Variants in PINX1 observed in about 807,000 individuals in gnomAD.
The protein encoded by PINX1 is PIN2/TERF1-interacting telomerase inhibitor 1.
In PINX1, 34 loss-of-function variants were observed where a neutral mutation model predicts 25.4. The observed-to-expected ratio is 1.34, with a 90% CI of 1.02 to 1.78. The LOEUF (loss-of-function observed/expected upper bound fraction) is 1.78, where lower values mean the gene tolerates loss of function less well. Among genes scored for constraint, PINX1 ranks in the 40% most tolerant of loss-of-function variants. The pLI is 0.00. For synonymous variants in PINX1, 197 were observed against 147.7 expected, an observed-to-expected ratio of 1.33 and a Z score of -2.42; for missense variants, 592 against 404.9, an observed-to-expected ratio of 1.46 and a Z score of -3.97.
intron 6 of PINX1, among the ~76,000 whole-genome samples, chr8:10,813,343 A>G (rs1017507352): frequency 6.6e-6 from 1 of 152,154 alleles, no homozygotes; most frequent in African/African-American, 2.4e-5. Flanking sequence ...AAAAGGAGAA[A>G]CACCCTTGAA....
Position 10,813,212 on chromosome 8 carries a change from T to C in PINX1, c.471+6981A>G, listed in dbSNP as rs1373486662. Reference sequence around the variant, plus strand: ...GTTCTTAATTAGAAGATTACTTTGGTGTCCAGATGTGGAGTGGGGGGAGGG... The same window carrying C: ...GTTCTTAATTAGAAGATTACTTTGGCGTCCAGATGTGGAGTGGGGGGAGGG... On this transcript the variant is annotated intron_variant, in intron 6 of 6. Transcript: ENST00000314787. 1.3e-5 allele frequency among the ~76,000 whole-genome samples: 2 copies of C among 152,172 alleles called. 1 individual carries two copies. Among genetic ancestry groups the C allele is most frequent in the Non-Finnish European group, 2.9e-5 (2 of 68,028 alleles).
rs779941568 is a variant in PINX1 at position 10,765,438 on chromosome 8, G to A, written c.950C>T (p.Thr317Met). The change falls in exon 7 of 7, where the codon ACG becomes ATG. Residue 317 changes from threonine to methionine, a missense_variant. Transcript: ENST00000314787. ...EIAEDATLEE[T>M]LVKKKKKKDS... ...TTTCTTCTTCTTCTTTTTCACTAGC[G>A]TTTCTTCTAGTGTAGCGTCCTCTGC... 11 of 1,606,868 alleles carry A rather than the reference G, an allele frequency of 6.8e-6. No individual in the cohort carries two copies. Among genetic ancestry groups the A allele is most frequent in the Non-Finnish European group, 9.3e-6 (11 of 1,178,044 alleles).
rs535104197 is a variant in PINX1 at position 10,774,591 on chromosome 8, T to G, written c.472-8675A>C. Among the ~76,000 whole-genome samples the G allele has an allele frequency of 6.6e-5, 10 of 152,368 alleles. No homozygotes were observed. The South Asian group carries it at 1.9e-3, about 28-fold the overall frequency. On this transcript the variant is annotated intron_variant, in intron 6 of 6. Coordinates refer to ENST00000314787, the MANE Select transcript of PINX1 (RefSeq NM_017884.6). ...CCACCGTGCCCAGCCGAATAAGGTC[T>G]TTTTAGAGAATAAAATATTCATTTT...
intron 6 of PINX1, among the ~76,000 whole-genome samples, chr8:10,792,394 C>T (rs777932406): frequency 6.6e-6 from 1 of 152,042 alleles, no homozygotes; most frequent in Non-Finnish European, 1.5e-5. Flanking sequence ...CCGGGGGCCA[C>T]GTGCACACCT....
At chr8:10,839,472 C>A (rs1162328723) in intron 1 of PINX1, among the ~76,000 whole-genome samples, 3 of 152,186 alleles carry the variant, frequency 2.0e-5, no homozygotes, top group African/African-American at 7.2e-5. Flanking sequence ...GGTGTTCTGA[C>A]CCACTTCGCA....
chr8:10,805,198 G>A (rs1371755780), intron 6 of PINX1, among the ~76,000 whole-genome samples: 4 of 152,164 alleles, frequency 2.6e-5, no homozygotes, highest in African/African-American at 7.2e-5. Context: ...GACCTGCTGC[G>A]ACCTCCTGCA....
chr8:10,829,953 G>A (rs1309809983), intron 4 of PINX1, among the ~76,000 whole-genome samples: 3 of 152,172 alleles, frequency 2.0e-5, no homozygotes, highest in Admixed American at 1.3e-4. Flanking sequence ...CAAAGTGCTG[G>A]TATTACACCG....
intron 6 of PINX1, among the ~76,000 whole-genome samples, chr8:10,815,292 G>T (rs560791095): frequency 1.3e-5 from 2 of 152,310 alleles, no homozygotes; most frequent in South Asian, 4.1e-4. Context: ...CAGAAAGCAT[G>T]ATTTAAGTTT....
At position 10,765,529 on chromosome 8, in the gene PINX1, G is replaced by A. The variant is rs775847952; in HGVS notation, c.859C>T (p.Arg287Trp). The change falls in exon 7 of 7, where the codon CGG (arginine) becomes TGG (tryptophan). Residue 287 changes from arginine to tryptophan, a missense_variant. Arg to Trp is a moderately radical substitution (Grantham distance 101). Coordinates refer to ENST00000314787, the MANE Select transcript of PINX1 (RefSeq NM_017884.6). ...TTTTTGGGCTTCAGGGTGAAGTCCC[G>A]GCCCTCAGGCGGCTGCACATGGTCC... ...AGDHVQPPEGRDFTLKPKKRR... is the reference protein window; with the variant it reads ...AGDHVQPPEGWDFTLKPKKRR... The A allele has an allele frequency of 8.1e-6, 13 of 1,613,336 alleles. No individual in the cohort carries two copies. Among genetic ancestry groups the A allele is most frequent in the Admixed American group, 5.0e-5 (3 of 60,002 alleles).
rs571888010 is a variant in PINX1, at chr8:10,831,980, G to A, written c.223-237C>T. On this transcript the variant is annotated intron_variant, in intron 3 of 6. Coordinates refer to ENST00000314787, the MANE Select transcript of PINX1 (RefSeq NM_017884.6). Reference sequence around the variant, plus strand: ...GGAAGCTTAAGGCCTGATTTCAAATGTGAATGACTTATCGATCAAGTCAAT... The same window carrying A: ...GGAAGCTTAAGGCCTGATTTCAAATATGAATGACTTATCGATCAAGTCAAT... Among the ~76,000 whole-genome samples, 62 of 152,306 alleles carry A rather than the reference G, an allele frequency of 4.1e-4. 3 individuals are homozygous for A. The South Asian group carries it at 0.013, about 31-fold the overall frequency.
chr8:10,805,833 G>A lies in PINX1; in HGVS notation c.471+14360C>T, dbSNP rs1322381536. On this transcript the variant is annotated intron_variant, in intron 6 of 6. Coordinates refer to ENST00000314787, the MANE Select transcript of PINX1 (RefSeq NM_017884.6). ...AGTGCTGAGGGGGTGACAGAGCACA[G>A]GAAGGGGCCACACTAGCGCTGAGTG... Among the ~76,000 whole-genome samples, 34 of 121,282 alleles carry A rather than the reference G, an allele frequency of 2.8e-4. 1 individual carries two copies. The highest frequency in any genetic ancestry group is 1.0e-3 in the Admixed American group (12 of 11,818). 79.6% of individuals were successfully genotyped at this position (121,282 alleles called of 152,430 possible). A position where few individuals can be genotyped will look rare whatever the true frequency, so the allele number is the denominator to read the frequency against.
intron 6 of PINX1, among the ~76,000 whole-genome samples, chr8:10,786,607 C>T (rs576852369): frequency 6.6e-6 from 1 of 152,328 alleles, no homozygotes; most frequent in Non-Finnish European, 1.5e-5. Context: ...GACCCTGTGA[C>T]TGGTCAATGC....
chr8:10,767,364 C>G (rs906819996), intron 6 of PINX1, among the ~76,000 whole-genome samples: 3 of 152,112 alleles, frequency 2.0e-5, no homozygotes, highest in South Asian at 2.1e-4. Context: ...ACAATTGGGC[C>G]TTCAGTGGCA....
At chr8:10,837,072 A>C (rs1365565471) in intron 1 of PINX1, among the ~76,000 whole-genome samples, 1 of 152,236 alleles carries the variant, frequency 6.6e-6, no homozygotes, top group Non-Finnish European at 1.5e-5. Flanking sequence ...TGTTCATAAC[A>C]GGGAACTCAA....
At chr8:10,834,341 A>G (rs1213694075) in intron 2 of PINX1, 2 of 237,246 alleles carry the variant, frequency 8.4e-6, no homozygotes, top group African/African-American at 4.6e-5. Context: ...AGAGATCGCT[A>G]AAGACCTCAA....
At chr8:10,794,174 T>C (rs763889375) in intron 6 of PINX1, among the ~76,000 whole-genome samples, 2 of 152,230 alleles carry the variant, frequency 1.3e-5, no homozygotes, top group Non-Finnish European at 2.9e-5. Flanking sequence ...GGGGTATTTT[T>C]AGAAATGGGC....
At chr8:10,804,352 C>T (rs1802368080) in intron 6 of PINX1, among the ~76,000 whole-genome samples, 2 of 152,136 alleles carry the variant, frequency 1.3e-5, no homozygotes, top group South Asian at 2.1e-4. Flanking sequence ...TGCTCAGGGG[C>T]CTGAAAGAGG....
rs924547092 is a variant in PINX1 at position 10,817,070 on chromosome 8, G to A, written c.471+3123C>T. Among the ~76,000 whole-genome samples, 3 of 152,164 alleles carry A rather than the reference G, an allele frequency of 2.0e-5. No homozygotes were observed. The East Asian group carries it at 5.8e-4, about 29-fold the overall frequency. On this transcript the variant is annotated intron_variant, in intron 6 of 6. Coordinates refer to ENST00000314787, the MANE Select transcript of PINX1 (RefSeq NM_017884.6). The stretch of plus-strand genomic sequence containing the variant: ...TCAGTAGGCTTCCCTTATTGCAAGG[G>A]TGATGCTGTTACCCAAGCCAAGAAC...
rs569228922 is a variant in PINX1 at position 10,814,724 on chromosome 8, C to T, written c.471+5469G>A. ...TTCAAATATCAACCATGATGCTATA[C>T]AAACCATGATTTTTATGGCAACAAA... On this transcript the variant is annotated intron_variant, in intron 6 of 6. Coordinates refer to ENST00000314787, the MANE Select transcript of PINX1 (RefSeq NM_017884.6). Among the ~76,000 whole-genome samples the T allele has an allele frequency of 3.3e-5, 5 of 152,290 alleles. No individual in the cohort carries two copies. In the East Asian group the frequency reaches 9.7e-4, roughly 29 times the overall value.
Sources: gnomAD v4.1 joint callset for allele counts (sites outside exome capture counted in the v4.1 genomes callset) on GRCh38, gnomAD v4.1.1 for gene constraint, MANE v1.5 for transcripts, NCBI Gene and HGNC (gene_info 2026-07-23, HGNC 2026-07-21) for gene names.